The following COX6C variants were observed in gnomAD, a reference collection of about 807,000 sequenced individuals.
COX6C encodes the protein cytochrome c oxidase polypeptide VIc.
Under a neutral mutation model 6.9 loss-of-function variants are expected in COX6C, and 3 were observed. That is an observed-to-expected ratio of 0.43 (90% CI 0.20 to 1.12). The LOEUF (loss-of-function observed/expected upper bound fraction) is 1.12, where lower values mean the gene tolerates loss of function less well. COX6C is among the 50% of genes most tolerant of loss of function. The probability of loss-of-function intolerance (pLI) is 0.27; values close to 1 mark genes in which losing one functional copy is unlikely to be tolerated. For missense variants in COX6C, 101 were observed against 97.3 expected, an observed-to-expected ratio of 1.04 and a Z score of -0.16; for synonymous variants, 32 against 32.0, an observed-to-expected ratio of 1.00 and a Z score of 0.00.
At chr8:99,890,448 A>G (rs371637778) in intron 2 of COX6C, among the ~76,000 whole-genome samples, 3 of 152,186 alleles carry the variant, frequency 2.0e-5, no homozygotes, top group East Asian at 3.9e-4. Flanking sequence ...ATTTAGCTAC[A>G]TGCCTTTTGT....
intron 1 of COX6C, chr8:99,893,189 A>C (rs1818083071): frequency 6.6e-6 from 1 of 152,246 alleles, no homozygotes; most frequent in Admixed American, 6.5e-5. Context: ...AAACGCTGCC[A>C]CACAGCGAGC....
At chr8:99,891,391 C>T (rs1563529570) in intron 2 of COX6C, among the ~76,000 whole-genome samples, 2 of 152,116 alleles carry the variant, frequency 1.3e-5, no homozygotes, top group South Asian at 4.2e-4. Flanking sequence ...AACCTCATCT[C>T]TACAAAAAAT....
Position 99,880,142 on chromosome 8 carries a change from GC to G in COX6C, c.*16-1878del, listed in dbSNP as rs200886338. Among the ~76,000 whole-genome samples the G allele has an allele frequency of 1.6e-4, 25 of 152,322 alleles. No individual in the cohort carries two copies. The East Asian group carries it at 3.9e-3, about 24-fold the overall frequency. On this transcript the variant is annotated intron_variant, in intron 3 of 3. Transcript: ENST00000520468. ...CTTTATGGTGCGCTAATCAGTGAAG[GC>G]CTTTCCATGCATGGAGCCAGTCTGC...
At chr8:99,887,416 G>A (rs1017047050) in intron 3 of COX6C, 74 bp downstream of exon 3, 7 of 759,166 alleles carry the variant, frequency 9.2e-6, no homozygotes, top group African/African-American at 5.6e-5. Flanking sequence ...AACATTGTGA[G>A]GGACAGTCAC....
At chr8:99,883,403 G>GTA (rs1046586865) in intron 3 of COX6C, among the ~76,000 whole-genome samples, 7 of 150,746 alleles carry the variant, frequency 4.6e-5, no homozygotes, top group African/African-American at 1.2e-4. Context: ...CTGTGTGTGT[G>GTA]TATATATATG....
chr8:99,889,204 G>A (rs1203008942), intron 2 of COX6C, among the ~76,000 whole-genome samples: 1 of 152,122 alleles, frequency 6.6e-6, no homozygotes, highest in Admixed American at 6.5e-5. Context: ...AAGACTTTGT[G>A]TGCTTGTCTC....
intron 2 of COX6C, among the ~76,000 whole-genome samples, chr8:99,889,534 C>T (rs561051781): frequency 9.9e-5 from 15 of 151,916 alleles, no homozygotes; most frequent in African/African-American, 3.1e-4. Flanking sequence ...TACAGGTGCC[C>T]GACACCACGC....
intron 3 of COX6C, among the ~76,000 whole-genome samples, chr8:99,883,142 C>G (rs1048781820): frequency 6.6e-6 from 1 of 152,008 alleles, no homozygotes; most frequent in Non-Finnish European, 1.5e-5. Flanking sequence ...ATCTGAACGT[C>G]TATAACTAGT....
At chr8:99,883,441 G>GTA (rs1817896338) in intron 3 of COX6C, among the ~76,000 whole-genome samples, 1 of 138,638 alleles carries the variant, frequency 7.2e-6, no homozygotes, top group African/African-American at 3.0e-5. Context: ...GTATGTGTGT[G>GTA]TGTGTGTGTG....
chr8:99,890,738 A>G (rs1398505389), intron 2 of COX6C, among the ~76,000 whole-genome samples: 1 of 151,996 alleles, frequency 6.6e-6, no homozygotes, highest in Non-Finnish European at 1.5e-5. Context: ...TATACATATT[A>G]TCAAAAACAT....
At chr8:99,884,626 T>C (rs527606953) in intron 3 of COX6C, among the ~76,000 whole-genome samples, 7 of 152,262 alleles carry the variant, frequency 4.6e-5, no homozygotes, top group African/African-American at 1.4e-4. Flanking sequence ...CTTGGACACA[T>C]TGTTTTGATT....
chr8:99,893,564 C>G (rs942968099), intron 1 of COX6C, 75 bp downstream of exon 1: 1 of 152,414 alleles, frequency 6.6e-6, no homozygotes, highest in Non-Finnish European at 1.5e-5. Flanking sequence ...AAATCCGAGG[C>G]AGAGAGAAAG....
chr8:99,889,549 C>A (rs1818002583), intron 2 of COX6C, among the ~76,000 whole-genome samples: 1 of 151,864 alleles, frequency 6.6e-6, no homozygotes, highest in South Asian at 2.1e-4. Flanking sequence ...CCACGCCCGG[C>A]TAATTTTTTT....
intron 2 of COX6C, among the ~76,000 whole-genome samples, chr8:99,887,999 G>A (rs1489569967): frequency 6.6e-6 from 1 of 151,356 alleles, no homozygotes; most frequent in African/African-American, 2.4e-5. Context: ...GCTGAGGCAG[G>A]AGAATGGCGT....
At chr8:99,879,392 T>C (rs1817820924) in intron 3 of COX6C, among the ~76,000 whole-genome samples, 1 of 152,156 alleles carries the variant, frequency 6.6e-6, no homozygotes, top group African/African-American at 2.4e-5. Context: ...CTTCTAAAAG[T>C]GTAACATTCG....
intron 3 of COX6C, among the ~76,000 whole-genome samples, chr8:99,885,023 C>A (rs1197863174): frequency 6.6e-6 from 1 of 152,204 alleles, no homozygotes; most frequent in Admixed American, 6.5e-5. Context: ...TAAGGAACCA[C>A]AAATAGCTAG....
At chr8:99,887,963 C>CG (rs1817968798) in intron 2 of COX6C, among the ~76,000 whole-genome samples, 1 of 151,352 alleles carries the variant, frequency 6.6e-6, no homozygotes, top group Non-Finnish European at 1.5e-5. Flanking sequence ...GATGGGGTCT[C>CG]GCCTGTAGTC....
intron 2 of COX6C, among the ~76,000 whole-genome samples, chr8:99,888,023 G>A (rs752352676): frequency 6.8e-6 from 1 of 147,512 alleles, no homozygotes; most frequent in Admixed American, 6.7e-5. Flanking sequence ...CCCGGGAGAC[G>A]GAGGTTGCAG....
intron 2 of COX6C, 31 bp downstream of exon 2, chr8:99,891,876 GA>G: frequency 6.3e-7 from 1 of 1,588,276 alleles, no homozygotes; most frequent in Non-Finnish European, 8.6e-7. Context: ...CATACTTTAT[GA>G]CCTTCGGCAC....
Sources: gnomAD v4.1 joint callset for allele counts (sites outside exome capture counted in the v4.1 genomes callset) on GRCh38, gnomAD v4.1.1 for gene constraint, MANE v1.5 for transcripts, NCBI Gene and HGNC (gene_info 2026-07-23, HGNC 2026-07-21) for gene names.